Variants in MNAT1 observed in about 807,000 individuals in gnomAD.
The protein encoded by MNAT1 is MNAT1 component of CDK activating kinase.
In MNAT1, 43 loss-of-function variants were observed where a neutral mutation model predicts 42.0. The observed-to-expected ratio is 1.02, with a 90% CI of 0.80 to 1.32. The LOEUF is 1.32. MNAT1 is among the 40% of genes most tolerant of loss of function. The pLI, the probability that MNAT1 is intolerant of heterozygous loss-of-function variation, is 0.00. For missense variants in MNAT1, 306 were observed against 350.4 expected, an observed-to-expected ratio of 0.87 and a Z score of 1.01; for synonymous variants, 118 against 120.0, an observed-to-expected ratio of 0.98 and a Z score of 0.11.
intron 6 of MNAT1, among the ~76,000 whole-genome samples, chr14:60,847,329 A>G (rs1228517029): frequency 1.3e-5 from 2 of 150,976 alleles, no homozygotes; most frequent in Non-Finnish European, 2.9e-5. Context: ...GCATGAACCC[A>G]GGAGGCGGAG....
chr14:60,820,536 CTTTTT>C (rs754720202), intron 6 of MNAT1, among the ~76,000 whole-genome samples: 1 of 136,672 alleles, frequency 7.3e-6, no homozygotes, highest in Non-Finnish European at 1.6e-5. Context: ...TCTTTTGCAA[CTTTTT>C]TTTTTTTTTT....
intron 6 of MNAT1, among the ~76,000 whole-genome samples, chr14:60,837,189 A>G (rs1594790530): frequency 6.6e-6 from 1 of 152,282 alleles, no homozygotes; most frequent in Middle Eastern, 3.4e-3. Flanking sequence ...GGGCTAGACC[A>G]CTTGGCTCCC....
At chr14:60,871,228 A>G (rs1307527898) in intron 6 of MNAT1, among the ~76,000 whole-genome samples, 3 of 152,210 alleles carry the variant, frequency 2.0e-5, no homozygotes, top group Non-Finnish European at 4.4e-5. Flanking sequence ...TTTGGCTGCT[A>G]TTAATAGCTG....
chr14:60,956,258 A>T (rs1261544604), intron 7 of MNAT1, among the ~76,000 whole-genome samples: 1 of 152,052 alleles, frequency 6.6e-6, no homozygotes, highest in Admixed American at 6.6e-5. Flanking sequence ...TTTCTTCTTG[A>T]ACCATTGATT....
At chr14:60,882,287 A>G (rs2034568561) in intron 7 of MNAT1, among the ~76,000 whole-genome samples, 1 of 151,846 alleles carries the variant, frequency 6.6e-6, no homozygotes, top group Admixed American at 6.6e-5. Flanking sequence ...TCTACTCCCT[A>G]TCAGTTCAAT....
chr14:60,924,327 T>C (rs1283151594), intron 7 of MNAT1, among the ~76,000 whole-genome samples: 1 of 150,920 alleles, frequency 6.6e-6, no homozygotes, highest in Non-Finnish European at 1.5e-5. Flanking sequence ...CACCCCAGAA[T>C]TTATATTACT....
At chr14:60,839,695 A>G (rs1161285721) in intron 6 of MNAT1, among the ~76,000 whole-genome samples, 1 of 152,198 alleles carries the variant, frequency 6.6e-6, no homozygotes, top group Admixed American at 6.5e-5. Context: ...GTTATCTCCA[A>G]GCTTTCCAGT....
chr14:60,764,867 A>C (rs2030750178), intron 1 of MNAT1, among the ~76,000 whole-genome samples: 1 of 152,196 alleles, frequency 6.6e-6, no homozygotes, highest in Non-Finnish European at 1.5e-5. Flanking sequence ...GAAAAAGGAA[A>C]TATAAAGGAT....
At chr14:60,742,976 T>C (rs1182978252) in intron 1 of MNAT1, among the ~76,000 whole-genome samples, 2 of 152,242 alleles carry the variant, frequency 1.3e-5, no homozygotes, top group African/African-American at 2.4e-5. Context: ...AGTTTTCGTA[T>C]GGACAAATGT....
At chr14:60,846,458 A>G (rs537768469) in intron 6 of MNAT1, among the ~76,000 whole-genome samples, 1 of 152,176 alleles carries the variant, frequency 6.6e-6, no homozygotes, top group South Asian at 2.1e-4. Context: ...CCTTCTGCTT[A>G]TAAGCTTTGC....
chr14:60,911,848 A>T (rs1210973389), intron 7 of MNAT1, among the ~76,000 whole-genome samples: 1 of 151,966 alleles, frequency 6.6e-6, no homozygotes, highest in Non-Finnish European at 1.5e-5. Context: ...CGCTTGGTGC[A>T]GAGCTGAGTT....
chr14:60,759,875 A>G (rs2030523410), intron 1 of MNAT1, among the ~76,000 whole-genome samples: 1 of 152,290 alleles, frequency 6.6e-6, no homozygotes, highest in African/African-American at 2.4e-5. Context: ...TAATCATTCT[A>G]TTATTTAAAA....
intron 6 of MNAT1, among the ~76,000 whole-genome samples, chr14:60,863,687 G>A (rs922603172): frequency 2.0e-5 from 3 of 152,002 alleles, no homozygotes; most frequent in African/African-American, 7.2e-5. Flanking sequence ...GTGTATTCTT[G>A]TATTTGTGGG....
intron 7 of MNAT1, among the ~76,000 whole-genome samples, chr14:60,923,510 T>C (rs1408357779): frequency 6.6e-6 from 1 of 152,234 alleles, no homozygotes; most frequent in Non-Finnish European, 1.5e-5. Flanking sequence ...ATTAATACTT[T>C]AAATGATACA....
At chr14:60,761,934 T>A (rs2030616461) in intron 1 of MNAT1, among the ~76,000 whole-genome samples, 1 of 152,220 alleles carries the variant, frequency 6.6e-6, no homozygotes, top group African/African-American at 2.4e-5. Flanking sequence ...TTAGCATATA[T>A]AAATTAATGT....
chr14:60,908,826 G>C (rs1010350685), intron 7 of MNAT1, among the ~76,000 whole-genome samples: 13 of 152,070 alleles, frequency 8.5e-5, no homozygotes, highest in Non-Finnish European at 1.8e-4. Flanking sequence ...ATAATTCTTT[G>C]GGTATATACC....
intron 7 of MNAT1, among the ~76,000 whole-genome samples, chr14:60,927,719 C>T (rs745996166): frequency 6.6e-6 from 1 of 152,124 alleles, no homozygotes; most frequent in Non-Finnish European, 1.5e-5. Context: ...TCTGTTTCTG[C>T]TCATTGTTGC....
intron 3 of MNAT1, among the ~76,000 whole-genome samples, chr14:60,807,977 A>G (rs1455876708): frequency 6.6e-6 from 1 of 152,204 alleles, no homozygotes; most frequent in East Asian, 1.9e-4. Context: ...AGTAGATTCC[A>G]GACTTACTCT....
At chr14:60,942,288 A>G (rs1189814587) in intron 7 of MNAT1, among the ~76,000 whole-genome samples, 1 of 152,166 alleles carries the variant, frequency 6.6e-6, no homozygotes, top group Non-Finnish European at 1.5e-5. Context: ...TTAGCACAGG[A>G]AAACTTGTCA....
Sources: gnomAD v4.1 joint callset for allele counts (sites outside exome capture counted in the v4.1 genomes callset) on GRCh38, gnomAD v4.1.1 for gene constraint, MANE v1.5 for transcripts, NCBI Gene and HGNC (gene_info 2026-07-23, HGNC 2026-07-21) for gene names.